Variants in FAM135B observed in about 807,000 individuals in gnomAD.
FAM135B encodes protein FAM135B.
Under a neutral mutation model 127.7 loss-of-function variants are expected in FAM135B, and 43 were observed. The observed-to-expected ratio is 0.34, with a 90% CI of 0.26 to 0.43. The LOEUF is 0.43. Ranked by LOEUF, FAM135B falls within the 20% of genes least tolerant of loss-of-function variation. FAM135B has a pLI of 1.00. For synonymous variants in FAM135B, 670 were observed against 665.1 expected (o/e 1.01, Z -0.11); for missense variants, 1,558 against 1,725.6 (o/e 0.90, Z 1.72).
intron 1 of FAM135B, among the ~76,000 whole-genome samples, chr8:138,417,679 C>T (rs906621391): frequency 6.6e-6 from 1 of 152,204 alleles, no homozygotes; most frequent in South Asian, 2.1e-4. Context: ...CAGACTACCA[C>T]AGTTAGTGCA....
chr8:138,497,333 C>A (rs1291713476), upstream of FAM135B, among the ~76,000 whole-genome samples: 1 of 150,340 alleles, frequency 6.7e-6, no homozygotes, highest in South Asian at 2.1e-4. Context: ...GAGCCCGGGG[C>A]GGGCCGCCCG....
intron 1 of FAM135B, chr8:138,477,298 C>T (rs900394888): frequency 6.6e-6 from 1 of 152,230 alleles, no homozygotes; most frequent in African/African-American, 2.4e-5. Flanking sequence ...TTTCCCTGAG[C>T]TTTCTTGCAT....
intron 1 of FAM135B, among the ~76,000 whole-genome samples, chr8:138,483,611 T>C (rs911822517): frequency 6.6e-6 from 1 of 152,118 alleles, no homozygotes; most frequent in African/African-American, 2.4e-5. Flanking sequence ...AATATCATAT[T>C]GTGCTAAAAT....
intron 7 of FAM135B, among the ~76,000 whole-genome samples, chr8:138,209,537 G>A (rs1343795159): frequency 6.6e-6 from 1 of 152,138 alleles, no homozygotes; most frequent in Non-Finnish European, 1.5e-5. Flanking sequence ...AGAGAAGCAG[G>A]AGATGAAGCT....
At chr8:138,389,360 A>C (rs1832404744) in intron 1 of FAM135B, among the ~76,000 whole-genome samples, 1 of 152,244 alleles carries the variant, frequency 6.6e-6, no homozygotes, top group Non-Finnish European at 1.5e-5. Context: ...TACACAAATA[A>C]TTGTTCGTAG....
rs1816072306 is a variant in FAM135B at position 138,130,032 on chromosome 8, A to T, written c.*2561T>A. On this transcript the variant is annotated 3_prime_UTR_variant, in exon 20 of 20. Transcript: ENST00000395297. The stretch of plus-strand genomic sequence containing the variant: ...AAACAACAAATTCCAATTAATCTCA[A>T]TATTGGGCATTTTTATTTCTAACTC... 1 of 152,210 alleles carries T rather than the reference A, an allele frequency of 6.6e-6. No homozygotes were observed. The highest frequency in any genetic ancestry group is 2.1e-4 in the South Asian group (1 of 4,820). 9.4% of individuals were successfully genotyped at this position (152,210 alleles called of 1,614,324 possible).
intron 2 of FAM135B, among the ~76,000 whole-genome samples, chr8:138,313,170 C>T (rs1217251141): frequency 6.6e-6 from 1 of 152,176 alleles, no homozygotes; most frequent in East Asian, 1.9e-4. Context: ...CTCACTCTGT[C>T]ACCCAGGCTG....
At chr8:138,149,401 C>A (rs934102881) in intron 13 of FAM135B, among the ~76,000 whole-genome samples, 1 of 152,146 alleles carries the variant, frequency 6.6e-6, no homozygotes, top group African/African-American at 2.4e-5. Context: ...CTCCTCACCA[C>A]TCCCAGCCTC....
intron 1 of FAM135B, among the ~76,000 whole-genome samples, chr8:138,478,013 T>C (rs1814592631): frequency 6.6e-6 from 1 of 152,150 alleles, no homozygotes; most frequent in Admixed American, 6.5e-5. Context: ...ATGAGCCAGA[T>C]CTGTTGTTGC....
chr8:138,382,833 G>A (rs780116392), intron 1 of FAM135B, among the ~76,000 whole-genome samples: 1 of 152,134 alleles, frequency 6.6e-6, no homozygotes, highest in Non-Finnish European at 1.5e-5. Context: ...TGTAATGAAT[G>A]AACAGGGTTA....
chr8:138,475,057 G>A (rs1174779539), intron 1 of FAM135B, among the ~76,000 whole-genome samples: 1 of 151,660 alleles, frequency 6.6e-6, no homozygotes, highest in East Asian at 2.0e-4. Flanking sequence ...AACATTTGCT[G>A]TTTTTTGCTT....
chr8:138,351,833 G>C (rs775760189), intron 2 of FAM135B, among the ~76,000 whole-genome samples: 54 of 151,928 alleles, frequency 3.6e-4, no homozygotes, highest in Non-Finnish European at 4.0e-4. Flanking sequence ...GGGACTACAG[G>C]CATGTGCTAC....
chr8:138,228,099 T>A (rs186559247), intron 7 of FAM135B, among the ~76,000 whole-genome samples: 12 of 152,122 alleles, frequency 7.9e-5, no homozygotes, highest in African/African-American at 2.7e-4. Flanking sequence ...TATGTGTGCA[T>A]TGTCTGTAGC....
chr8:138,409,141 G>A (rs1466594078), intron 1 of FAM135B, among the ~76,000 whole-genome samples: 1 of 152,032 alleles, frequency 6.6e-6, no homozygotes, highest in Non-Finnish European at 1.5e-5. Context: ...AGTTTAAAGC[G>A]AGAAACATGC....
chr8:138,346,395 T>C (rs1034734507), intron 2 of FAM135B, among the ~76,000 whole-genome samples: 2 of 152,150 alleles, frequency 1.3e-5, no homozygotes, highest in African/African-American at 4.8e-5. Flanking sequence ...CTATTCCCAA[T>C]AGCAAAGACG....
At chr8:138,142,833 G>T in intron 16 of FAM135B, 179 bp downstream of exon 16, 1 of 523,700 alleles carries the variant, frequency 1.9e-6, no homozygotes, top group Non-Finnish European at 3.4e-6. Flanking sequence ...CTATGGCAGA[G>T]ATGAATGTGT....
At chr8:138,427,310 AAT>A (rs953877026) in intron 1 of FAM135B, among the ~76,000 whole-genome samples, 6 of 149,958 alleles carry the variant, frequency 4.0e-5, no homozygotes, top group African/African-American at 1.2e-4. Flanking sequence ...GCATTCTACA[AAT>A]ATATATATAT....
chr8:138,405,731 T>C (rs1050614237), intron 1 of FAM135B, among the ~76,000 whole-genome samples: 1 of 152,252 alleles, frequency 6.6e-6, no homozygotes, highest in East Asian at 1.9e-4. Context: ...ATATACCCAG[T>C]AATGGGATGG....
intron 3 of FAM135B, among the ~76,000 whole-genome samples, chr8:138,299,099 AT>A (rs1312832471): frequency 2.7e-5 from 4 of 149,266 alleles, no homozygotes; most frequent in African/African-American, 9.8e-5. Context: ...AAATAAATAA[AT>A]AAATAAATAA....
Sources: allele counts gnomAD v4.1 joint callset (sites outside exome capture counted in the v4.1 genomes callset), GRCh38; gene constraint gnomAD v4.1.1; transcripts MANE v1.5; gene names NCBI Gene and HGNC (gene_info 2026-07-23, HGNC 2026-07-21).